UPF2: variants seen among roughly 807,000 people sequenced by gnomAD.
UPF2 encodes the protein UPF2 regulator of nonsense mediated mRNA decay, also known as regulator of nonsense transcripts 2.
A neutral mutation model predicts 141.4 loss-of-function variants in UPF2; 17 were observed. The observed-to-expected ratio is 0.12, with a 90% CI of 0.08 to 0.18. The LOEUF (loss-of-function observed/expected upper bound fraction) is 0.18. Among genes scored for constraint, UPF2 ranks in the 10% least tolerant of loss-of-function variants. The pLI is 1.00. For missense variants in UPF2, 1,152 were observed against 1,515.9 expected (o/e 0.76, Z 3.99); for synonymous variants, 540 against 498.0 (o/e 1.08, Z -1.12).
At chr10:11,963,557 T>A (rs779355205) in intron 11 of UPF2, among the ~76,000 whole-genome samples, 2 of 152,198 alleles carry the variant, frequency 1.3e-5, no homozygotes, top group Non-Finnish European at 2.9e-5. Flanking sequence ...AGGCTGGTAT[T>A]TTGTAAGTGC....
chr10:11,944,002 AAAAC>A (rs1490438068), intron 16 of UPF2, among the ~76,000 whole-genome samples: 2 of 129,622 alleles, frequency 1.5e-5, no homozygotes, highest in Admixed American at 8.2e-5. Context: ...AAAAAAACAA[AAAAC>A]AAACAAAAAA....
chr10:11,940,611 G>A lies in UPF2; in HGVS notation c.3378+2054C>T, dbSNP rs1171219752. Among the ~76,000 whole-genome samples, 1 of 152,120 alleles carries A rather than the reference G, an allele frequency of 6.6e-6. No homozygotes were observed. Among genetic ancestry groups the A allele is most frequent in the Non-Finnish European group, 1.5e-5 (1 of 68,032 alleles). ...TGGAAAACCAACTATCATCTTTGAT[G>A]CCTCACCCCCTACACACCCATATCC... On this transcript the variant is annotated intron_variant, in intron 18 of 21. Transcript: ENST00000357604. The surrounding 1 kb of genome is among the most constrained non-coding windows in gnomAD (Gnocchi z 4.2).
chr10:11,926,053 C>G (rs1044975999), intron 21 of UPF2, among the ~76,000 whole-genome samples: 1 of 152,162 alleles, frequency 6.6e-6, no homozygotes, highest in Non-Finnish European at 1.5e-5. Context: ...GAGGCAGCAA[C>G]AGCAATCCAG....
chr10:11,989,026 C>T (rs1833739137), intron 8 of UPF2, among the ~76,000 whole-genome samples: 1 of 152,154 alleles, frequency 6.6e-6, no homozygotes, highest in South Asian at 2.1e-4. Flanking sequence ...GGTAGAAATG[C>T]ACCTGGAAGT....
At chr10:12,011,286 G>C (rs1411130067) in intron 4 of UPF2, among the ~76,000 whole-genome samples, 1 of 152,194 alleles carries the variant, frequency 6.6e-6, no homozygotes, top group Non-Finnish European at 1.5e-5. Context: ...CATCATGCCG[G>C]GCCAAAAAGA....
At chr10:11,932,083 A>C (rs1832788708) in intron 19 of UPF2, among the ~76,000 whole-genome samples, 1 of 151,932 alleles carries the variant, frequency 6.6e-6, no homozygotes, top group African/African-American at 2.4e-5. Flanking sequence ...CAGGAAGCGG[A>C]GGTTGCAGTG....
intron 9 of UPF2, 90 bp from the exon 10 acceptor site, chr10:11,967,544 C>T: frequency 2.2e-6 from 1 of 464,670 alleles, no homozygotes; most frequent in Non-Finnish European, 3.5e-6. Context: ...GAATTCACTC[C>T]AGTTTTTTTT....
Position 11,931,562 on chromosome 10 carries a change from G to T in UPF2, c.3688+79C>A. 1.4e-6 allele frequency: 2 copies of T among 1,414,538 alleles called. No individual in the cohort carries two copies. The highest frequency in any genetic ancestry group is 2.6e-5 in the Admixed American group (1 of 39,106). The allele number at this position is 1,414,538 out of a possible 1,614,324, so 87.6% of individuals were successfully genotyped here. On this transcript the variant is annotated intron_variant, in intron 20 of 21. Transcript: ENST00000357604. This position sits in a 1 kb window ranked among gnomAD's most constrained non-coding sequence, Gnocchi z 5.9. ...GCATAAATATGGAAAAATATGACATGAGAAGATGAGACAAAATAACAATTT... is the reference window on the plus strand; with the variant it reads ...GCATAAATATGGAAAAATATGACATTAGAAGATGAGACAAAATAACAATTT...
At position 11,935,976 on chromosome 10, in the gene UPF2, C is replaced by T. The variant is rs948486042; in HGVS notation, c.3546+569G>A. The stretch of plus-strand genomic sequence containing the variant: ...AGCCGAGCCTCTTCCTGAGCTGCAT[C>T]GGTTGCCATCCTCCTTTCCTTCCCC... On this transcript the variant is annotated intron_variant, in intron 19 of 21. Coordinates refer to ENST00000357604, the MANE Select transcript of UPF2 (RefSeq NM_015542.4). The surrounding 1 kb of genome is among the most constrained non-coding windows in gnomAD (Gnocchi z 4.9). 7.2e-5 allele frequency among the ~76,000 whole-genome samples: 11 copies of T among 152,284 alleles called. No individual in the cohort carries two copies. The highest frequency in any genetic ancestry group is 2.6e-4 in the Admixed American group (4 of 15,300).
chr10:12,005,200 T>C (rs73573553), intron 4 of UPF2, among the ~76,000 whole-genome samples: 326 of 152,220 alleles, frequency 2.1e-3, no homozygotes, highest in African/African-American at 7.5e-3. Context: ...CATAAACCTT[T>C]ACTTAAGAAG....
chr10:11,967,482 C>T (rs760952796), intron 9 of UPF2, 28 bp from the exon 10 acceptor site: 2 of 1,314,978 alleles, frequency 1.5e-6, no homozygotes, highest in South Asian at 2.8e-5. Flanking sequence ...AAAGATAATG[C>T]TTAATCAACA....
At position 12,039,381 on chromosome 10, in the gene UPF2, A is replaced by C. The variant is rs569291591; in HGVS notation, c.-19+3374T>G. 1.6e-4 allele frequency among the ~76,000 whole-genome samples: 25 copies of C among 152,300 alleles called. 1 individual carries two copies. In the East Asian group the frequency reaches 4.8e-3, roughly 29 times the overall value. ...CTCAAGAGTAGAAAGAATCCTTCAT[A>C]ATGGTTAAGGAGTTCTCATGTAATG... On this transcript the variant is annotated intron_variant, in intron 1 of 21. Coordinates refer to ENST00000357604, the MANE Select transcript of UPF2 (RefSeq NM_015542.4).
intron 14 of UPF2, among the ~76,000 whole-genome samples, chr10:11,954,643 A>AT (rs1554775870): frequency 9.3e-5 from 12 of 128,352 alleles, no homozygotes; most frequent in Admixed American, 3.2e-4. Context: ...CAAAAAAAAA[A>AT]ATATATATAT....
intron 2 of UPF2, among the ~76,000 whole-genome samples, chr10:12,031,594 T>C (rs1834524925): frequency 6.6e-6 from 1 of 152,036 alleles, no homozygotes; most frequent in African/African-American, 2.4e-5. Context: ...GGCAACATAG[T>C]AAGACCCAAT....
In UPF2 at chr10:12,042,040, G is replaced by A. The variant is rs1158119786; in HGVS notation, c.-19+715C>T. On this transcript the variant is annotated intron_variant, in intron 1 of 21. Transcript: ENST00000357604. This position sits in a 1 kb window ranked among gnomAD's most constrained non-coding sequence, Gnocchi z 5.5. ...AGAGAGTGCTTGGCGCCTTGAAGAG[G>A]TGAAGGTAAAGTGAAGAATCAACCA... 6.6e-6 allele frequency among the ~76,000 whole-genome samples: 1 copy of A among 152,118 alleles called. No individual in the cohort carries two copies. Among genetic ancestry groups the A allele is most frequent in the Admixed American group, 6.6e-5 (1 of 15,264 alleles).
chr10:11,936,953 C>T lies in UPF2; in HGVS notation c.3379-241G>A, dbSNP rs1399797657. Among the ~76,000 whole-genome samples, 2 of 152,250 alleles carry T rather than the reference C, an allele frequency of 1.3e-5. No homozygotes were observed. The highest frequency in any genetic ancestry group is 2.9e-5 in the Non-Finnish European group (2 of 68,036). ...TGGAAGGAAATGCAGGACTTGGCTG[C>T]TGTTGACTGCTCCAGCCTCTCCCAA... On this transcript the variant is annotated intron_variant, in intron 18 of 21. Coordinates refer to ENST00000357604, the MANE Select transcript of UPF2 (RefSeq NM_015542.4). This position sits in a 1 kb window ranked among gnomAD's most constrained non-coding sequence, Gnocchi z 6.6.
rs181806399 is a variant in UPF2 at position 12,041,063 on chromosome 10, G to A, written c.-19+1692C>T. ...GCTTTTTCACTACCTACACTAAAAC[G>A]AATAAAATATACAAACACCGTGATT... On this transcript the variant is annotated intron_variant, in intron 1 of 21. Transcript: ENST00000357604. 1.2e-3 allele frequency among the ~76,000 whole-genome samples: 184 copies of A among 152,172 alleles called. 1 individual carries two copies. The highest frequency in any genetic ancestry group is 4.1e-3 in the African/African-American group (170 of 41,540).
intron 5 of UPF2, 145 bp downstream of exon 5, chr10:12,004,380 CCATAT>C: frequency 1.7e-6 from 1 of 589,934 alleles, no homozygotes; most frequent in Non-Finnish European, 2.9e-6. Flanking sequence ...CTCCATCATT[CCATAT>C]AATTCTGTCA....
At position 11,997,845 on chromosome 10, in the gene UPF2, T is replaced by C. The variant is rs1833888705; in HGVS notation, c.1759-88A>G. ...CTGCCTACTATGATATTTTTATTTGTTCTTAAACATTTCAAAATGGTTTTA... is the reference window on the plus strand; with the variant it reads ...CTGCCTACTATGATATTTTTATTTGCTCTTAAACATTTCAAAATGGTTTTA... On this transcript the variant is annotated intron_variant, in intron 7 of 21. Transcript: ENST00000357604. 5 of 1,281,126 alleles carry C rather than the reference T, an allele frequency of 3.9e-6. No homozygotes were observed. In the Admixed American group the frequency reaches 7.7e-5, roughly 20 times the overall value. The allele number at this position is 1,281,126 out of a possible 1,614,324, so 79.4% of individuals were successfully genotyped here. A position where few individuals can be genotyped will look rare whatever the true frequency, so the allele number is the denominator to read the frequency against.
Sources: allele counts gnomAD v4.1 joint callset (sites outside exome capture counted in the v4.1 genomes callset), GRCh38; gene constraint gnomAD v4.1.1; non-coding constraint Gnocchi (gnomAD v3.1); transcripts MANE v1.5; gene names NCBI Gene and HGNC (gene_info 2026-07-23, HGNC 2026-07-21).